The following TMEM33 variants were observed in gnomAD, a reference collection of about 807,000 sequenced individuals.
The protein encoded by TMEM33 is transmembrane protein 33.
A neutral mutation model predicts 29.7 loss-of-function variants in TMEM33; 16 were observed. The ratio of observed to expected loss-of-function variants is 0.54; its 90% CI spans 0.36 to 0.82. The LOEUF is 0.82. Ranked by LOEUF, TMEM33 falls within the 40% of genes least tolerant of loss-of-function variation. TMEM33 has a pLI of 0.00. For missense variants in TMEM33, 252 were observed against 295.3 expected (o/e 0.85, Z 1.08); for synonymous variants, 112 against 109.4 (o/e 1.02, Z -0.15).
intron 5 of TMEM33, among the ~76,000 whole-genome samples, chr4:41,946,065 A>C (rs1577651843): frequency 6.8e-6 from 1 of 147,496 alleles, no homozygotes; most frequent in Middle Eastern, 3.5e-3. Flanking sequence ...TTGATTTGGC[A>C]TATCCAGTTC....
intron 1 of TMEM33, 65 bp from the exon 2 acceptor site, chr4:41,938,537 C>T (rs1712357035): frequency 4.2e-6 from 6 of 1,432,182 alleles, no homozygotes; most frequent in Non-Finnish European, 5.9e-6. Context: ...AAAAACCACA[C>T]AGTCTTGATG....
chr4:41,941,205 G>A (rs548418189), intron 3 of TMEM33, among the ~76,000 whole-genome samples: 35 of 152,132 alleles, frequency 2.3e-4, no homozygotes, highest in Admixed American at 2.0e-3. Context: ...ATTTGTATTG[G>A]TTTATTTTTA....
At chr4:41,943,920 A>G (rs1712665165) in intron 4 of TMEM33, 106 bp downstream of exon 4, 1 of 947,730 alleles carries the variant, frequency 1.1e-6, no homozygotes, top group Admixed American at 2.3e-5. Flanking sequence ...TCTATACCTT[A>G]CAAACTTGTT....
At chr4:41,947,234 CAAAA>C (rs527622236) in intron 5 of TMEM33, among the ~76,000 whole-genome samples, 1 of 126,598 alleles carries the variant, frequency 7.9e-6, no homozygotes, top group African/African-American at 2.8e-5. Flanking sequence ...GACTCCCTCT[CAAAA>C]AAAAAAAAAA....
At chr4:41,940,727 T>A (rs1351970729) in intron 3 of TMEM33, among the ~76,000 whole-genome samples, 1 of 148,798 alleles carries the variant, frequency 6.7e-6, no homozygotes, top group Non-Finnish European at 1.5e-5. Context: ...GAGAATCGTT[T>A]GAACCCTGGA....
chr4:41,953,470 A>G (rs1452327030), intron 6 of TMEM33, among the ~76,000 whole-genome samples: 1 of 152,234 alleles, frequency 6.6e-6, no homozygotes, highest in African/African-American at 2.4e-5. Context: ...AATTTTCTTC[A>G]GGAACTTTTC....
intron 1 of TMEM33, among the ~76,000 whole-genome samples, chr4:41,937,553 G>A (rs1384796407): frequency 6.6e-6 from 1 of 151,818 alleles, no homozygotes; most frequent in Admixed American, 6.6e-5. Context: ...TAGACTTCAG[G>A]TAGACCCATT....
chr4:41,957,532 A>G lies in TMEM33; in HGVS notation c.*3333A>G, dbSNP rs1360225055. On this transcript the variant is annotated 3_prime_UTR_variant, in exon 7 of 7. Coordinates refer to ENST00000504986, the MANE Select transcript of TMEM33 (RefSeq NM_018126.3). ...AGGTTTCTAAGTTTAGGACATGAAT[A>G]TTATTTTTTTCTGGAAAAGAAGATG... 6.6e-6 allele frequency: 1 copy of G among 151,838 alleles called. No individual in the cohort carries two copies. Among genetic ancestry groups the G allele is most frequent in the Non-Finnish European group, 1.5e-5 (1 of 67,940 alleles). 9.4% of individuals were successfully genotyped at this position (151,838 alleles called of 1,614,324 possible).
chr4:41,944,234 CTA>C (rs1253752956), intron 4 of TMEM33: 1 of 176,598 alleles, frequency 5.7e-6, no homozygotes, highest in Non-Finnish European at 1.2e-5. Context: ...TTTCTTATTG[CTA>C]GGTTGGAGCA....
rs1712362019 is a variant in TMEM33 at position 41,938,558 on chromosome 4, T to C, written c.46-44T>C. On this transcript the variant is annotated intron_variant, in intron 1 of 6. Transcript: ENST00000504986. ...CACACAGTCTTGATGCTTAAAAACA[T>C]GATTTGCAGGCATAGCTTACAGTAT... 5.2e-6 allele frequency: 8 copies of C among 1,552,536 alleles called. No homozygotes were observed. In the East Asian group the frequency reaches 1.8e-4, roughly 35 times the overall value.
chr4:41,935,594 C>A (rs1036408862), intron 1 of TMEM33, 65 bp downstream of exon 1: 4 of 1,513,654 alleles, frequency 2.6e-6, no homozygotes, highest in African/African-American at 2.7e-5. Context: ...GGAAGCGTTG[C>A]GAGTCCCGAG....
In TMEM33 at chr4:41,956,978, A is replaced by G. The variant is rs1387788824; in HGVS notation, c.*2779A>G. 1 of 152,154 alleles carries G rather than the reference A, an allele frequency of 6.6e-6. No homozygotes were observed. The highest frequency in any genetic ancestry group is 1.5e-5 in the Non-Finnish European group (1 of 67,992). The allele number at this position is 152,154 out of a possible 1,614,324, so 9.4% of individuals were successfully genotyped here. A position where few individuals can be genotyped will look rare whatever the true frequency, so the allele number is the denominator to read the frequency against. ...AAATACAATAGCAATATATAGAATG[A>G]ATGTAGTAACAGAAATTAACTCTTT... On this transcript the variant is annotated 3_prime_UTR_variant, in exon 7 of 7. Transcript: ENST00000504986.
chr4:41,959,415 G>A lies in TMEM33; in HGVS notation c.*5216G>A, dbSNP rs1380304070. 6.6e-6 allele frequency: 1 copy of A among 152,154 alleles called. No homozygotes were observed. Among genetic ancestry groups the A allele is most frequent in the Non-Finnish European group, 1.5e-5 (1 of 68,004 alleles). The allele number at this position is 152,154 out of a possible 1,614,324, so 9.4% of individuals were successfully genotyped here. ...GTCAGTTGATGTGACAAGAGATAAA[G>A]AAAGCACAGTATTTTAAAATCTAAA... On this transcript the variant is annotated 3_prime_UTR_variant, in exon 7 of 7. Transcript: ENST00000504986.
intron 1 of TMEM33, among the ~76,000 whole-genome samples, chr4:41,936,898 C>T (rs990695569): frequency 6.6e-6 from 1 of 152,100 alleles, no homozygotes; most frequent in Non-Finnish European, 1.5e-5. Context: ...CCCATCATTG[C>T]AGAATTTGTT....
rs752067122 is a variant in TMEM33 at position 41,944,828 on chromosome 4, T to G, written c.432T>G (p.Ser144=). The G allele has an allele frequency of 5.0e-6, 8 of 1,613,600 alleles. No individual in the cohort carries two copies. The highest frequency in any genetic ancestry group is 1.7e-5 in the Admixed American group (1 of 60,004). ...CAAATAGTTTACCTCTGCTGAGATCTGTCTTGGACAAATTAAGTGCTAATC... is the reference window on the plus strand; with the variant it reads ...CAAATAGTTTACCTCTGCTGAGATCGGTCTTGGACAAATTAAGTGCTAATC... The part of the protein sequence containing the change: ...RGSNSLPLLR[S]VLDKLSANQQ... Residue 144 remains serine, a synonymous_variant, in exon 5 of 7, where the codon TCT becomes TCG. Coordinates refer to ENST00000504986, the MANE Select transcript of TMEM33 (RefSeq NM_018126.3).
rs1713240554 is a variant in TMEM33, at chr4:41,955,884, C to T, written c.*1685C>T. On this transcript the variant is annotated 3_prime_UTR_variant, in exon 7 of 7. Transcript: ENST00000504986. ...ATCAAGAAATTTTGGCAGCTGAAGT[C>T]ATGTTTATTTTGAAGCTGTTAGTTT... The T allele has an allele frequency of 6.6e-6, 1 of 152,568 alleles. No individual in the cohort carries two copies. The highest frequency in any genetic ancestry group is 6.5e-5 in the Admixed American group (1 of 15,278). 9.5% of individuals were successfully genotyped at this position (152,568 alleles called of 1,614,324 possible). A position where few individuals can be genotyped will look rare whatever the true frequency, so the allele number is the denominator to read the frequency against.
At chr4:41,940,046 C>CCTTTTTTTTTTTTTTTTTTTTT (rs1553910603) in intron 3 of TMEM33, among the ~76,000 whole-genome samples, 1 of 81,354 alleles carries the variant, frequency 1.2e-5, no homozygotes, top group African/African-American at 5.6e-5. Flanking sequence ...GTTAAACTTT[C>CCTTTTTTTTTTTTTTTTTTTTT]TTTTTTTTTT....
chr4:41,947,523 A>G (rs1157157221), intron 5 of TMEM33, among the ~76,000 whole-genome samples: 6 of 152,190 alleles, frequency 3.9e-5, no homozygotes, highest in Admixed American at 3.3e-4. Flanking sequence ...ATTTATTTGT[A>G]CAAACTTACC....
At chr4:41,935,357 GCAT>G (rs1712167884), upstream of TMEM33, 1 of 998,326 alleles carries the variant, frequency 1.0e-6, no homozygotes, top group African/African-American at 1.6e-5. Flanking sequence ...CCGGCAGGGT[GCAT>G]CCGGCCTGTG....
Sources: gnomAD v4.1 joint callset for allele counts (sites outside exome capture counted in the v4.1 genomes callset) on GRCh38, gnomAD v4.1.1 for gene constraint, MANE v1.5 for transcripts, NCBI Gene and HGNC (gene_info 2026-07-23, HGNC 2026-07-21) for gene names.